The following PDE8A variants were observed in gnomAD, a reference collection of about 807,000 sequenced individuals.
PDE8A encodes the protein phosphodiesterase 8A, also known as high affinity cAMP-specific and IBMX-insensitive 3',5'-cyclic phosphodiesterase 8A.
A neutral mutation model predicts 105.0 loss-of-function variants in PDE8A; 59 were observed. That is an observed-to-expected ratio of 0.56 (90% CI 0.46 to 0.70). The LOEUF is 0.70. Among genes scored for constraint, PDE8A ranks in the 30% least tolerant of loss-of-function variants. PDE8A has a pLI of 0.00. For missense variants in PDE8A, 1,014 were observed against 1,045.9 expected (o/e 0.97, Z 0.42); for synonymous variants, 355 against 371.9 (o/e 0.95, Z 0.52).
chr15:85,121,434 T>G (rs1176366078), intron 18 of PDE8A, among the ~76,000 whole-genome samples: 3 of 152,184 alleles, frequency 2.0e-5, no homozygotes, highest in Non-Finnish European at 4.4e-5. Context: ...CATGCTAAGT[T>G]AAACCCTCTA....
chr15:85,065,494 A>C (rs2081209670), intron 2 of PDE8A, among the ~76,000 whole-genome samples: 1 of 151,898 alleles, frequency 6.6e-6, no homozygotes. Flanking sequence ...AAAAAAAAAA[A>C]AAAGAAAACA....
At chr15:84,995,172 T>C (rs993882955) in intron 1 of PDE8A, among the ~76,000 whole-genome samples, 5 of 152,206 alleles carry the variant, frequency 3.3e-5, no homozygotes, top group Non-Finnish European at 5.9e-5. Flanking sequence ...TATGAAGTTA[T>C]AGAACATTAT....
At chr15:85,027,797 G>T (rs975830038) in intron 1 of PDE8A, among the ~76,000 whole-genome samples, 4 of 152,042 alleles carry the variant, frequency 2.6e-5, no homozygotes, top group African/African-American at 9.7e-5. Context: ...GTAGAGGAGG[G>T]TATTATTTAC....
intron 3 of PDE8A, among the ~76,000 whole-genome samples, chr15:85,071,425 G>A (rs2081308992): frequency 6.6e-6 from 1 of 152,252 alleles, no homozygotes; most frequent in South Asian, 2.1e-4. Context: ...AGGTAAGGAA[G>A]AGAGGGATAT....
At chr15:85,131,285 A>G (rs1474062417) in intron 20 of PDE8A, among the ~76,000 whole-genome samples, 1 of 152,208 alleles carries the variant, frequency 6.6e-6, no homozygotes, top group Non-Finnish European at 1.5e-5. Context: ...ACTTAAAATA[A>G]TTACTGATAG....
At chr15:85,072,828 T>G (rs1242437355) in intron 3 of PDE8A, among the ~76,000 whole-genome samples, 1 of 152,176 alleles carries the variant, frequency 6.6e-6, no homozygotes, top group Non-Finnish European at 1.5e-5. Flanking sequence ...ACTTTCCCAG[T>G]GAGGCCGGGC....
intron 2 of PDE8A, among the ~76,000 whole-genome samples, chr15:85,066,583 AACACACACACAC>A (rs57124766): frequency 0.07 from 8,134 of 116,906 alleles, 510 homozygotes; most frequent in Non-Finnish European, 0.1. Flanking sequence ...ATCCCCCCAA[AACACACACACAC>A]ACACACACAC....
chr15:85,028,059 A>G (rs966143497), intron 1 of PDE8A, among the ~76,000 whole-genome samples: 1 of 152,252 alleles, frequency 6.6e-6, no homozygotes, highest in Admixed American at 6.5e-5. Flanking sequence ...GTGAACATCT[A>G]TTAATATATA....
At chr15:84,983,861 A>C (rs113126480) in intron 1 of PDE8A, among the ~76,000 whole-genome samples, 8 of 152,192 alleles carry the variant, frequency 5.3e-5, no homozygotes, top group Non-Finnish European at 7.3e-5. Flanking sequence ...CCTAAAATTC[A>C]CCTAGGTGTC....
chr15:85,009,759 C>T (rs921867046), intron 1 of PDE8A, among the ~76,000 whole-genome samples: 2 of 152,206 alleles, frequency 1.3e-5, no homozygotes, highest in Admixed American at 6.5e-5. Context: ...TGCATGTTCT[C>T]TCACCACCAG....
At chr15:85,092,062 T>C (rs1257028620) in intron 8 of PDE8A, among the ~76,000 whole-genome samples, 2 of 152,162 alleles carry the variant, frequency 1.3e-5, no homozygotes, top group Non-Finnish European at 2.9e-5. Context: ...TCCTATCTTG[T>C]AGCACAAAAC....
At chr15:85,118,293 A>G (rs952232081) in intron 17 of PDE8A, among the ~76,000 whole-genome samples, 4 of 151,902 alleles carry the variant, frequency 2.6e-5, no homozygotes, top group African/African-American at 9.7e-5. Flanking sequence ...CCATTATCCA[A>G]CCGGATACCC....
intron 20 of PDE8A, among the ~76,000 whole-genome samples, chr15:85,132,614 C>T (rs745481267): frequency 3.9e-5 from 6 of 152,122 alleles, no homozygotes; most frequent in East Asian, 1.9e-4. Context: ...TACAGGTGCC[C>T]GCCACCATGC....
At chr15:85,048,643 A>G (rs549109052) in intron 1 of PDE8A, among the ~76,000 whole-genome samples, 2 of 152,238 alleles carry the variant, frequency 1.3e-5, no homozygotes, top group Non-Finnish European at 2.9e-5. Flanking sequence ...AGTCTCATTC[A>G]TTTGCTCATT....
chr15:85,094,509 C>T (rs568914921), intron 8 of PDE8A, among the ~76,000 whole-genome samples: 5 of 152,212 alleles, frequency 3.3e-5, no homozygotes, highest in African/African-American at 1.2e-4. Flanking sequence ...GTGTCAGCCT[C>T]TTTTCCAAGG....
At chr15:85,079,777 G>A (rs1359887138) in intron 5 of PDE8A, among the ~76,000 whole-genome samples, 1 of 152,158 alleles carries the variant, frequency 6.6e-6, no homozygotes, top group Non-Finnish European at 1.5e-5. Flanking sequence ...CCCGGGCATG[G>A]TGGCGCACAC....
chr15:85,119,480 A>AAAAAAAAAAAAAAAAAAAAC (rs2082147688), intron 17 of PDE8A, among the ~76,000 whole-genome samples: 1 of 150,556 alleles, frequency 6.6e-6, no homozygotes, highest in Non-Finnish European at 1.5e-5. Flanking sequence ...AAAAAAAAAA[A>AAAAAAAAAAAAAAAAAAAAC]ACATTTATTG....
rs544276818 is a variant in PDE8A at position 84,996,094 on chromosome 15, G to A, written c.186+13746G>A. Among the ~76,000 whole-genome samples, 124 of 152,178 alleles carry A rather than the reference G, an allele frequency of 8.1e-4. 1 individual carries two copies. The highest frequency in any genetic ancestry group is 3.4e-3 in the Middle Eastern group (1 of 294). ...CTTAAAAGAACTTTTTAATAAGTTT[G>A]AATGTTAAATTTTGACCTCTCATGT... is the stretch of plus-strand genomic sequence containing the variant. On this transcript the variant is annotated intron_variant, in intron 1 of 21. Coordinates refer to ENST00000394553, the MANE Select transcript of PDE8A (RefSeq NM_002605.3).
chr15:85,104,597 C>T (rs1287936672), intron 11 of PDE8A, among the ~76,000 whole-genome samples: 1 of 152,040 alleles, frequency 6.6e-6, no homozygotes. Flanking sequence ...AACCAGCTTA[C>T]TGTGTGGGAT....
Sources: allele counts gnomAD v4.1 joint callset (sites outside exome capture counted in the v4.1 genomes callset), GRCh38; gene constraint gnomAD v4.1.1; transcripts MANE v1.5; gene names NCBI Gene and HGNC (gene_info 2026-07-23, HGNC 2026-07-21).